The following OTUD7B variants were observed in gnomAD, a reference collection of about 807,000 sequenced individuals.
OTUD7B encodes the protein OTU domain-containing protein 7B.
Under a neutral mutation model 82.2 loss-of-function variants are expected in OTUD7B, and 34 were observed. That is an observed-to-expected ratio of 0.41 (90% CI 0.31 to 0.55). The LOEUF is 0.55. Among genes scored for constraint, OTUD7B ranks in the 20% least tolerant of loss-of-function variants. The pLI, the probability that OTUD7B is intolerant of heterozygous loss-of-function variation, is 0.20. For synonymous variants in OTUD7B, 398 were observed against 402.7 expected (o/e 0.99, Z 0.14); for missense variants, 944 against 1,062.1 (o/e 0.89, Z 1.55).
the OTUD7B span, among the ~76,000 whole-genome samples, chr1:150,038,561 A>C: frequency 6.6e-6 from 1 of 150,672 alleles, no homozygotes; most frequent in Admixed American, 6.6e-5. Flanking sequence ...TAATTTTTGT[A>C]TTTTTAGTAG....
rs66654345 is a variant in OTUD7B, at chr1:149,938,758, TAAAAAAAAA to T, written c.*5090_*5098del. 2.1e-5 allele frequency: 1 copy of T among 48,762 alleles called. No homozygotes were observed. The highest frequency in any genetic ancestry group is 3.3e-5 in the Non-Finnish European group (1 of 30,508). 3.0% of individuals were successfully genotyped at this position (48,762 alleles called of 1,614,324 possible). A position where few individuals can be genotyped will look rare whatever the true frequency, so the allele number is the denominator to read the frequency against. ...ACATGGCGAAACCCCCGACTCTAAC[TAAAAAAAAA>T]AAAAAAAAAAAAAATTAAGCCAGGC... On this transcript the variant is annotated 3_prime_UTR_variant, in exon 12 of 12. Coordinates refer to ENST00000581312, the MANE Select transcript of OTUD7B (RefSeq NM_020205.4).
chr1:149,960,786 T>G (rs1260109072), intron 6 of OTUD7B: 1 of 152,030 alleles, frequency 6.6e-6, no homozygotes, highest in Non-Finnish European at 1.5e-5. Context: ...ACTCCTGTTT[T>G]TTCCCAAACC....
At chr1:150,049,630 TTTC>T in the OTUD7B span, among the ~76,000 whole-genome samples, 5 of 108,154 alleles carry the variant, frequency 4.6e-5, no homozygotes, top group Non-Finnish European at 7.4e-5. Context: ...TCTCTCTCTC[TTTC>T]TTTTTTTTTT....
rs1648687997 is a variant in OTUD7B, at chr1:149,956,539, T to C, written c.845+3145A>G. ...AGAGTTGCTCTTCTCAAGGAGTATC[T>C]TTGTGGCGTTCTCTGTATTCCCTGA... On this transcript the variant is annotated intron_variant, in intron 7 of 11. Transcript: ENST00000581312. Among the ~76,000 whole-genome samples, 3 of 152,298 alleles carry C rather than the reference T, an allele frequency of 2.0e-5. No individual in the cohort carries two copies. In the South Asian group the frequency reaches 6.2e-4, roughly 32 times the overall value.
chr1:150,052,818 AAAAAC>A, the OTUD7B span, among the ~76,000 whole-genome samples: 1 of 8,012 alleles, frequency 1.2e-4, no homozygotes, highest in African/African-American at 1.8e-4. Context: ...AACGAAAACA[AAAAAC>A]AAAAAAAAAA....
chr1:150,043,675 G>T, the OTUD7B span, among the ~76,000 whole-genome samples: 1 of 152,058 alleles, frequency 6.6e-6, no homozygotes, highest in African/African-American at 2.4e-5. Context: ...TGCAACTCAG[G>T]ATTCTTAAGA....
chr1:150,004,133 G>A (rs191935969), intron 1 of OTUD7B, among the ~76,000 whole-genome samples: 1 of 151,550 alleles, frequency 6.6e-6, no homozygotes, highest in Non-Finnish European at 1.5e-5. Flanking sequence ...CCTCTCCTTA[G>A]CCTACCCTCC....
At chr1:150,061,305 T>C in the OTUD7B span, among the ~76,000 whole-genome samples, 1 of 152,378 alleles carries the variant, frequency 6.6e-6, no homozygotes, top group African/African-American at 2.4e-5. Context: ...ACAAGGACTA[T>C]GTATGTTGTT....
chr1:149,991,990 G>A (rs1553782189), intron 1 of OTUD7B, among the ~76,000 whole-genome samples: 1 of 152,168 alleles, frequency 6.6e-6, no homozygotes, highest in Non-Finnish European at 1.5e-5. Flanking sequence ...AGCACTTTGG[G>A]AGGCCAAGGC....
At chr1:149,973,481 T>C in intron 2 of OTUD7B, among the ~76,000 whole-genome samples, 1 of 152,144 alleles carries the variant, frequency 6.6e-6, no homozygotes, top group South Asian at 2.1e-4. Flanking sequence ...TTAACTGTTG[T>C]TGTTGTTGTT....
In OTUD7B at chr1:149,944,086, G is replaced by A; in HGVS notation, c.2303C>T (p.Pro768Leu). ...GCTATAGGAATCAGCCACTCGGTAG[G>A]GGGGTGGTAACAAGGCACCCCTGTG... ...GLHRGALLPPPYRVADSYSNG... is the reference protein window; with the variant it reads ...GLHRGALLPPLYRVADSYSNG... The change falls in exon 12 of 12, where the codon CCC becomes CTC. Residue 768 changes from proline (P) to leucine (L), a missense_variant. Physicochemically the swap from Pro to Leu is moderately conservative, Grantham distance 98 (BLOSUM62 -3). Coordinates refer to ENST00000581312, the MANE Select transcript of OTUD7B (RefSeq NM_020205.4). The A allele has an allele frequency of 1.2e-6, 2 of 1,614,114 alleles. No homozygotes were observed. Among genetic ancestry groups the A allele is most frequent in the African/African-American group, 1.3e-5 (1 of 75,050 alleles).
At chr1:150,028,591 T>C in the OTUD7B span, among the ~76,000 whole-genome samples, 4 of 152,192 alleles carry the variant, frequency 2.6e-5, no homozygotes, top group Non-Finnish European at 5.9e-5. Flanking sequence ...CATTAAACAA[T>C]AAGTCTCCAT....
At chr1:150,065,697 C>A in the OTUD7B span, among the ~76,000 whole-genome samples, 3 of 152,058 alleles carry the variant, frequency 2.0e-5, no homozygotes, top group Non-Finnish European at 4.4e-5. Context: ...GGTTTCAGTT[C>A]TATTTTTAGA....
At chr1:150,022,723 G>A in the OTUD7B span, among the ~76,000 whole-genome samples, 1 of 152,152 alleles carries the variant, frequency 6.6e-6, no homozygotes, top group Non-Finnish European at 1.5e-5. Flanking sequence ...TACCTGGGCC[G>A]ATCAGTTAAG....
chr1:150,023,337 T>A, the OTUD7B span, among the ~76,000 whole-genome samples: 2 of 152,312 alleles, frequency 1.3e-5, no homozygotes, highest in Admixed American at 1.3e-4. Context: ...ATATACGCAC[T>A]CCCATGTTTG....
chr1:149,982,722 CACA>C (rs1257382413), intron 1 of OTUD7B, among the ~76,000 whole-genome samples: 8 of 152,090 alleles, frequency 5.3e-5, no homozygotes, highest in Non-Finnish European at 1.0e-4. Flanking sequence ...AGACCACCTC[CACA>C]ACAACAACTC....
chr1:150,015,396 C>T (rs1553788263), upstream of OTUD7B, among the ~76,000 whole-genome samples: 1 of 148,388 alleles, frequency 6.7e-6, no homozygotes, highest in Admixed American at 6.9e-5. Flanking sequence ...CGGGTTCAAG[C>T]AATTCTCGTG....
At chr1:150,026,538 C>G in the OTUD7B span, among the ~76,000 whole-genome samples, 1 of 152,112 alleles carries the variant, frequency 6.6e-6, no homozygotes, top group Non-Finnish European at 1.5e-5. Context: ...ATAATACCTC[C>G]GTCTGCCTTA....
intron 1 of OTUD7B, among the ~76,000 whole-genome samples, chr1:149,988,168 T>A (rs987202301): frequency 3.9e-5 from 6 of 152,118 alleles, no homozygotes; most frequent in Non-Finnish European, 8.8e-5. Flanking sequence ...ACTTTGGGAA[T>A]GTCTACTTTC....
Sources: gnomAD v4.1 joint callset for allele counts (sites outside exome capture counted in the v4.1 genomes callset) on GRCh38, gnomAD v4.1.1 for gene constraint, MANE v1.5 for transcripts, NCBI Gene and HGNC (gene_info 2026-07-23, HGNC 2026-07-21) for gene names.